The following POM121 variants were observed in gnomAD, a reference collection of about 807,000 sequenced individuals.
The protein encoded by POM121 is POM121 transmembrane nucleoporin, also known as nuclear envelope pore membrane protein POM 121.
In POM121, 32 loss-of-function variants were observed where a neutral mutation model predicts 81.3. The ratio of observed to expected loss-of-function variants is 0.39; its 90% CI spans 0.30 to 0.53. The LOEUF (loss-of-function observed/expected upper bound fraction) is 0.53. Ranked by LOEUF, POM121 falls within the 20% of genes least tolerant of loss-of-function variation. POM121 has a pLI of 0.66. For missense variants in POM121, 1,138 were observed against 1,614.6 expected, an observed-to-expected ratio of 0.70 and a Z score of 5.06; for synonymous variants, 514 against 694.2, an observed-to-expected ratio of 0.74 and a Z score of 4.08.
Position 72,948,042 on chromosome 7 carries a change from A to G in POM121, c.*1808A>G. On this transcript the variant is annotated 3_prime_UTR_variant, in exon 13 of 13. Transcript: ENST00000434423. ...GCAATCAAGCTTCTACCTGTACCTT[A>G]TGTAAGGTAGACCCTCCTAGTGTCA... 1 of 1,222,682 alleles carries G rather than the reference A, an allele frequency of 8.2e-7. No individual in the cohort carries two copies. Among genetic ancestry groups the G allele is most frequent in the South Asian group, 1.9e-5 (1 of 52,680 alleles). 75.7% of individuals were successfully genotyped at this position (1,222,682 alleles called of 1,614,324 possible). A position where few individuals can be genotyped will look rare whatever the true frequency, so the allele number is the denominator to read the frequency against.
intron 3 of POM121, among the ~76,000 whole-genome samples, chr7:72,908,832 G>C (rs1468447646): frequency 6.6e-6 from 1 of 152,140 alleles, no homozygotes; most frequent in Non-Finnish European, 1.5e-5. Flanking sequence ...TATCTCCCTT[G>C]TTCCCTGAAC....
downstream of POM121, chr7:72,950,031 C>A (rs781886020): frequency 6.5e-7 from 1 of 1,547,006 alleles, no homozygotes; most frequent in Admixed American, 1.7e-5. Context: ...CCTACACATT[C>A]TTCCCTTTTC....
At chr7:72,887,570 T>A (rs1455088727) in intron 1 of POM121, among the ~76,000 whole-genome samples, 2 of 152,188 alleles carry the variant, frequency 1.3e-5, no homozygotes, top group African/African-American at 4.8e-5. Context: ...ATACCTGTAA[T>A]CACAGCAACA....
At chr7:72,903,658 T>C (rs1229551702) in intron 3 of POM121, among the ~76,000 whole-genome samples, 11 of 152,214 alleles carry the variant, frequency 7.2e-5, no homozygotes, top group Non-Finnish European at 1.2e-4. Context: ...GAGATTTCCT[T>C]GAATGCCAGG....
chr7:72,904,328 G>C (rs1405537515), intron 3 of POM121, among the ~76,000 whole-genome samples: 2 of 152,224 alleles, frequency 1.3e-5, no homozygotes, highest in Admixed American at 6.5e-5. Flanking sequence ...CATGCTGTTA[G>C]CACGCCTCTA....
At position 72,917,358 on chromosome 7, in the gene POM121, AAT is replaced by A. The variant is rs546443579; in HGVS notation, c.-152+3531_-152+3532del. Among the ~76,000 whole-genome samples, 4 of 152,280 alleles carry A rather than the reference AAT, an allele frequency of 2.6e-5. No individual in the cohort carries two copies. The South Asian group carries it at 8.3e-4, about 32-fold the overall frequency. ...TAGCTGGGCCTGCACTGACCCTCGTAATCAGGCCAAGGTGAAAGCTTAGGTCT... is the reference window on the plus strand; with the variant it reads ...TAGCTGGGCCTGCACTGACCCTCGTACAGGCCAAGGTGAAAGCTTAGGTCT... On this transcript the variant is annotated intron_variant, in intron 4 of 15. Coordinates refer to the POM121 transcript ENST00000395270.
At chr7:72,924,329 T>A (rs1385127247), upstream of POM121, 1 of 152,192 alleles carries the variant, frequency 6.6e-6, no homozygotes, top group Non-Finnish European at 1.5e-5. Context: ...CCTTAATCTC[T>A]TTAATGTACA....
intron 5 of POM121, 52 bp downstream of exon 5, chr7:72,930,163 C>T: frequency 6.4e-7 from 1 of 1,561,950 alleles, no homozygotes. Context: ...AGCGTTCATT[C>T]ATTGACTAGG....
chr7:72,883,969 A>G (rs3973797), intron 1 of POM121, among the ~76,000 whole-genome samples: 1 of 151,992 alleles, frequency 6.6e-6, no homozygotes, highest in Non-Finnish European at 1.5e-5. Context: ...AGGCTGGCAC[A>G]TTTATGGCTC....
chr7:72,900,651 A>T (rs1237175662), intron 3 of POM121, among the ~76,000 whole-genome samples: 1 of 151,914 alleles, frequency 6.6e-6, no homozygotes, highest in Non-Finnish European at 1.5e-5. Context: ...TTACAGGCAC[A>T]TGCAATCACG....
intron 3 of POM121, among the ~76,000 whole-genome samples, chr7:72,907,086 GT>G (rs1793319166): frequency 1.3e-5 from 2 of 151,944 alleles, no homozygotes; most frequent in South Asian, 2.1e-4. Flanking sequence ...TTTTTATGGG[GT>G]ATTTAGACAT....
At position 72,907,516 on chromosome 7, in the gene POM121, GC is replaced by G. The variant is rs564453262; in HGVS notation, c.-215-6248del. On this transcript the variant is annotated intron_variant, in intron 3 of 15. Coordinates refer to the POM121 transcript ENST00000395270. Reference sequence around the variant, plus strand: ...AAATCTTTCTGGATTTTTCTTCATTGCTTTTTTTTTTTGAGACAGAGTCTCA... The same window carrying G: ...AAATCTTTCTGGATTTTTCTTCATTGTTTTTTTTTTTGAGACAGAGTCTCA... Among the ~76,000 whole-genome samples, 284 of 149,994 alleles carry G rather than the reference GC, an allele frequency of 1.9e-3. 1 individual carries two copies. The highest frequency in any genetic ancestry group is 0.018 in the Admixed American group (273 of 15,054).
intron 3 of POM121, among the ~76,000 whole-genome samples, chr7:72,892,410 T>C (rs1791390013): frequency 6.6e-6 from 1 of 152,222 alleles, no homozygotes; most frequent in African/African-American, 2.4e-5. Context: ...CCTCCCAGTA[T>C]TTGATTGTGC....
intron 4 of POM121, among the ~76,000 whole-genome samples, chr7:72,916,107 C>T (rs1194704657): frequency 1.3e-5 from 2 of 152,158 alleles, no homozygotes; most frequent in African/African-American, 4.8e-5. Flanking sequence ...AAATTTTCTC[C>T]CGTTCTGTAG....
rs1467562565 is a variant in POM121, at chr7:72,931,690, C to A, written c.1275+1579C>A. Among the ~76,000 whole-genome samples the A allele has an allele frequency of 1.8e-4, 27 of 151,952 alleles. 1 individual carries two copies. The highest frequency in any genetic ancestry group is 1.8e-3 in the Admixed American group (27 of 15,232). On this transcript the variant is annotated intron_variant, in intron 5 of 12. Transcript: ENST00000434423. ...AGTTCAAGCGATTCTCCTGCCTCAGCCTCCCAAGTAGTTGAGACTATAGGT... is the reference window on the plus strand; with the variant it reads ...AGTTCAAGCGATTCTCCTGCCTCAGACTCCCAAGTAGTTGAGACTATAGGT...
At chr7:72,933,771 G>T (rs2530500) in intron 5 of POM121, among the ~76,000 whole-genome samples, 8 of 152,354 alleles carry the variant, frequency 5.3e-5, no homozygotes, top group South Asian at 2.1e-4. Flanking sequence ...ATGTAACATT[G>T]TTTTAATAAT....
chr7:72,918,448 C>T (rs1405908346), intron 4 of POM121, among the ~76,000 whole-genome samples: 1 of 152,138 alleles, frequency 6.6e-6, no homozygotes, highest in Admixed American at 6.5e-5. Flanking sequence ...CTCACTGTGT[C>T]TCCTCAGCTC....
chr7:72,932,831 C>T (rs1392504842), intron 5 of POM121, among the ~76,000 whole-genome samples: 5 of 151,528 alleles, frequency 3.3e-5, no homozygotes, highest in African/African-American at 1.2e-4. Context: ...GAAGGCAGAT[C>T]ACTGGAGGTC....
downstream of POM121, chr7:72,948,649 C>G: frequency 1.9e-6 from 3 of 1,603,710 alleles, no homozygotes; most frequent in Non-Finnish European, 2.6e-6. Flanking sequence ...GCCTCCCAAG[C>G]ATGCCCCCAC....
Sources: gnomAD v4.1 joint callset for allele counts (sites outside exome capture counted in the v4.1 genomes callset) on GRCh38, gnomAD v4.1.1 for gene constraint, MANE v1.5 for transcripts, NCBI Gene and HGNC (gene_info 2026-07-23, HGNC 2026-07-21) for gene names.